Variants in VWA8 observed in about 807,000 individuals in gnomAD.
VWA8 encodes the protein von Willebrand factor A domain containing 8, also known as von Willebrand factor A domain-containing protein 8.
A neutral mutation model predicts 241.5 loss-of-function variants in VWA8; 221 were observed. The observed-to-expected ratio is 0.91, with a 90% CI of 0.82 to 1.02. The LOEUF (loss-of-function observed/expected upper bound fraction) is 1.02. Ranked by LOEUF, VWA8 falls within the 50% of genes least tolerant of loss-of-function variation. VWA8 has a pLI of 0.00. For synonymous variants in VWA8, 852 were observed against 827.1 expected, an observed-to-expected ratio of 1.03 and a Z score of -0.52; for missense variants, 2,322 against 2,328.7, an observed-to-expected ratio of 1.00 and a Z score of 0.06.
chr13:41,935,340 T>C (rs186391096), intron 2 of VWA8, among the ~76,000 whole-genome samples: 55 of 152,128 alleles, frequency 3.6e-4, no homozygotes, highest in East Asian at 5.8e-4. Flanking sequence ...ACCACAAACA[T>C]AAAATAAAAC....
chr13:41,943,844 C>T (rs976494833), intron 2 of VWA8, among the ~76,000 whole-genome samples: 5 of 151,924 alleles, frequency 3.3e-5, no homozygotes, highest in Non-Finnish European at 5.9e-5. Flanking sequence ...GGCTCATGCC[C>T]GTAATACCAG....
intron 2 of VWA8, among the ~76,000 whole-genome samples, chr13:41,941,450 A>G (rs1186025052): frequency 6.6e-6 from 1 of 152,232 alleles, no homozygotes; most frequent in Non-Finnish European, 1.5e-5. Context: ...GCTACACTGC[A>G]AACACAGTAT....
chr13:41,772,697 C>T (rs1285395278), intron 20 of VWA8, among the ~76,000 whole-genome samples: 1 of 152,150 alleles, frequency 6.6e-6, no homozygotes, highest in Non-Finnish European at 1.5e-5. Context: ...AAATCTCACA[C>T]AGAAAATAGG....
chr13:41,638,942 A>G (rs571429444), intron 37 of VWA8, among the ~76,000 whole-genome samples: 1 of 152,304 alleles, frequency 6.6e-6, no homozygotes, highest in South Asian at 2.1e-4. Flanking sequence ...GAGGAAAGAC[A>G]GGCCTTTGAC....
At chr13:41,708,528 A>C (rs1466696513) in intron 26 of VWA8, among the ~76,000 whole-genome samples, 1 of 152,146 alleles carries the variant, frequency 6.6e-6, no homozygotes, top group Admixed American at 6.5e-5. Context: ...CTTCCCTACC[A>C]TCTCACAGGA....
chr13:41,744,595 A>C, intron 21 of VWA8, among the ~76,000 whole-genome samples: 1 of 152,084 alleles, frequency 6.6e-6, no homozygotes, highest in African/African-American at 2.4e-5. Flanking sequence ...ACTAAAACAA[A>C]ACAAAACAAA....
chr13:41,903,821 A>G (rs1175724679), intron 4 of VWA8, among the ~76,000 whole-genome samples: 1 of 152,214 alleles, frequency 6.6e-6, no homozygotes, highest in Non-Finnish European at 1.5e-5. Flanking sequence ...GGATCTGATT[A>G]TGAACAGCAC....
intron 35 of VWA8, 104 bp from the exon 36 acceptor site, chr13:41,675,400 G>A: frequency 4.1e-6 from 3 of 733,132 alleles, no homozygotes; most frequent in South Asian, 1.8e-5. Flanking sequence ...TAGAACGCTG[G>A]GATCTACTTG....
At chr13:41,848,817 G>A (rs1041706562) in intron 12 of VWA8, among the ~76,000 whole-genome samples, 3 of 152,192 alleles carry the variant, frequency 2.0e-5, no homozygotes, top group African/African-American at 7.2e-5. Flanking sequence ...CTCTCCTGCA[G>A]GGGCTCCCTG....
chr13:41,846,753 C>A (rs1872307119), intron 12 of VWA8, among the ~76,000 whole-genome samples: 1 of 152,072 alleles, frequency 6.6e-6, no homozygotes, highest in African/African-American at 2.4e-5. Flanking sequence ...CTAAAATTTT[C>A]AGGCTAGGCA....
intron 41 of VWA8, 94 bp from the exon 42 acceptor site, chr13:41,587,764 C>G: frequency 6.7e-7 from 1 of 1,488,640 alleles, no homozygotes; most frequent in Non-Finnish European, 9.1e-7. Context: ...AGCGTGCCAG[C>G]CCCGAGATGG....
intron 17 of VWA8, among the ~76,000 whole-genome samples, chr13:41,792,995 G>A (rs1869525742): frequency 6.6e-6 from 1 of 152,036 alleles, no homozygotes; most frequent in Admixed American, 6.5e-5. Context: ...ATATAACCTA[G>A]GGCAAATGTA....
Position 41,960,963 on chromosome 13 carries a change from G to A in VWA8, c.53C>T (p.Ala18Val), listed in dbSNP as rs1045945724. ...LGAPGGHGGP[A>V]SRRMRLLLRQ... Reference sequence around the variant, plus strand: ...CAGGAGCAGCCGCATGCGCCGCGAGGCCGGGCCGCCGTGGCCTCCGGGTGC... The same window carrying A: ...CAGGAGCAGCCGCATGCGCCGCGAGACCGGGCCGCCGTGGCCTCCGGGTGC... Residue 18 changes from alanine to valine, a missense_variant, in exon 1 of 45, where the codon GCC becomes GTC. Coordinates refer to ENST00000379310, the MANE Select transcript of VWA8 (RefSeq NM_015058.2). 5.5e-6 allele frequency: 8 copies of A among 1,443,342 alleles called. No homozygotes were observed. The African/African-American group carries it at 1.2e-4, about 21-fold the overall frequency. The allele number at this position is 1,443,342 out of a possible 1,614,324, so 89.4% of individuals were successfully genotyped here.
intron 4 of VWA8, among the ~76,000 whole-genome samples, chr13:41,895,245 A>G (rs1223937888): frequency 6.6e-6 from 1 of 152,146 alleles, no homozygotes. Context: ...TGAGGTACAC[A>G]ATATTTTACC....
In VWA8 at chr13:41,856,195, C is replaced by G. The variant is rs569994401; in HGVS notation, c.1425+9541G>C. 1.7e-3 allele frequency among the ~76,000 whole-genome samples: 259 copies of G among 151,932 alleles called. 1 individual carries two copies. The highest frequency in any genetic ancestry group is 5.8e-3 in the African/African-American group (239 of 41,442). On this transcript the variant is annotated intron_variant, in intron 12 of 44. Transcript: ENST00000379310. ...TACTAAAAATACAAAAATTGGCCAG[C>G]GGGGGTAGCACACATCTGTAATCCC...
intron 21 of VWA8, among the ~76,000 whole-genome samples, chr13:41,740,280 T>C (rs1166950567): frequency 4.6e-5 from 7 of 152,240 alleles, no homozygotes; most frequent in Non-Finnish European, 8.8e-5. Context: ...AAATTTGATG[T>C]AGATTTTTTT....
intron 27 of VWA8, among the ~76,000 whole-genome samples, 173 bp from the exon 28 acceptor site, chr13:41,701,703 T>G (rs2045251227): frequency 1.3e-5 from 2 of 152,240 alleles, no homozygotes; most frequent in African/African-American, 4.8e-5. Flanking sequence ...ATCACACACT[T>G]GCACTTATAA....
intron 27 of VWA8, among the ~76,000 whole-genome samples, chr13:41,702,075 C>T (rs893889277): frequency 3.3e-5 from 5 of 152,318 alleles, no homozygotes; most frequent in Non-Finnish European, 7.3e-5. Context: ...TAGAGTATTT[C>T]ACACATGGTG....
chr13:41,912,216 T>C (rs1191060974), intron 2 of VWA8, 48 bp from the exon 3 acceptor site: 3 of 1,481,828 alleles, frequency 2.0e-6, no homozygotes, highest in East Asian at 2.3e-5. Context: ...GTATTACTTA[T>C]AATATAAATC....
Sources: gnomAD v4.1 joint callset for allele counts (sites outside exome capture counted in the v4.1 genomes callset) on GRCh38, gnomAD v4.1.1 for gene constraint, MANE v1.5 for transcripts, NCBI Gene and HGNC (gene_info 2026-07-23, HGNC 2026-07-21) for gene names.